The following JAM3 variants were observed in gnomAD, a reference collection of about 807,000 sequenced individuals.
JAM3 encodes junctional adhesion molecule C.
A neutral mutation model predicts 39.4 loss-of-function variants in JAM3; 31 were observed. That is an observed-to-expected ratio of 0.79 (90% CI 0.59 to 1.06). JAM3 has a LOEUF of 1.06. JAM3 is among the 50% of genes least tolerant of loss of function. The pLI is 0.00. For missense variants in JAM3, 455 were observed against 391.4 expected (o/e 1.16, Z -1.37); for synonymous variants, 182 against 148.7 (o/e 1.22, Z -1.63).
At chr11:134,087,298 A>G (rs1941761646) in intron 1 of JAM3, among the ~76,000 whole-genome samples, 1 of 152,166 alleles carries the variant, frequency 6.6e-6, no homozygotes, top group Non-Finnish European at 1.5e-5. Context: ...GTAAATCAAC[A>G]AATAAAGTAT....
intron 5 of JAM3, 125 bp from the exon 6 acceptor site, chr11:134,145,821 C>A: frequency 1.3e-6 from 1 of 749,136 alleles, no homozygotes; most frequent in South Asian, 1.4e-5. Context: ...GAGGAACATG[C>A]ACAGTGCTGG....
At chr11:134,129,008 G>T (rs1177264081) in intron 1 of JAM3, among the ~76,000 whole-genome samples, 1 of 152,144 alleles carries the variant, frequency 6.6e-6, no homozygotes, top group South Asian at 2.1e-4. Flanking sequence ...TCAAGGTGCT[G>T]GCAGGGTTGG....
rs751750290 is a variant in JAM3, at chr11:134,149,149, G to A, written c.901G>A (p.Asp301Asn). The change falls in exon 9 of 9, where the codon GAC (aspartate) becomes AAC (asparagine). Residue 301 changes from aspartate to asparagine, a missense_variant. Asp to Asn is a conservative substitution (Grantham distance 23, BLOSUM62 1). Transcript: ENST00000299106. ...VNYIRTDEEG[D>N]FRHKSSFVI ...TAACTGTGTGTTGGCTTTGCAGGGC[G>A]ACTTCAGACACAAGTCATCGTTTGT... is the stretch of plus-strand genomic sequence containing the variant. The A allele has an allele frequency of 6.2e-6, 10 of 1,613,876 alleles. No homozygotes were observed. The highest frequency in any genetic ancestry group is 1.6e-4 in the Middle Eastern group (1 of 6,078).
At chr11:134,090,367 T>G (rs1429391901) in intron 1 of JAM3, among the ~76,000 whole-genome samples, 1 of 152,230 alleles carries the variant, frequency 6.6e-6, no homozygotes, top group Admixed American at 6.5e-5. Context: ...GTTTTAGACA[T>G]GAAGTCCTTG....
chr11:134,085,881 A>G (rs968474260), intron 1 of JAM3, among the ~76,000 whole-genome samples: 14 of 152,236 alleles, frequency 9.2e-5, no homozygotes, highest in African/African-American at 2.9e-4. Flanking sequence ...TTCACTAGCT[A>G]TTTTGGAAGG....
intron 6 of JAM3, among the ~76,000 whole-genome samples, chr11:134,146,421 C>T (rs1023638938): frequency 2.0e-5 from 3 of 151,720 alleles, no homozygotes; most frequent in Admixed American, 6.6e-5. Flanking sequence ...CAGTTTTAGC[C>T]CGAGTAATTT....
intron 1 of JAM3, among the ~76,000 whole-genome samples, chr11:134,136,245 T>C (rs199711626): frequency 6.6e-6 from 1 of 152,018 alleles, no homozygotes; most frequent in East Asian, 1.9e-4. Context: ...AACTTCAGTA[T>C]GAGTATTCCT....
At chr11:134,121,583 A>G (rs760384250) in intron 1 of JAM3, among the ~76,000 whole-genome samples, 1 of 152,200 alleles carries the variant, frequency 6.6e-6, no homozygotes, top group Non-Finnish European at 1.5e-5. Flanking sequence ...ACATCTCTCT[A>G]TGTCAAACTG....
chr11:134,072,175 A>G (rs571274532), intron 1 of JAM3, among the ~76,000 whole-genome samples: 1 of 152,350 alleles, frequency 6.6e-6, no homozygotes, highest in East Asian at 1.9e-4. Flanking sequence ...GCTGTTAGAG[A>G]TGTGGTATTA....
intron 1 of JAM3, among the ~76,000 whole-genome samples, chr11:134,076,529 A>G (rs1007789117): frequency 6.6e-6 from 1 of 152,158 alleles, no homozygotes; most frequent in African/African-American, 2.4e-5. Flanking sequence ...AAATATCTGA[A>G]GTTCTTAGAG....
In JAM3 at chr11:134,151,391, C is replaced by T. The variant is rs1394950851; in HGVS notation, c.*2210C>T. ...TTGGTAGAGAGGGATGGCTCCCCACCCTCAGCGTTGGGGATTCACGCTCCA... is the reference window on the plus strand; with the variant it reads ...TTGGTAGAGAGGGATGGCTCCCCACTCTCAGCGTTGGGGATTCACGCTCCA... On this transcript the variant is annotated 3_prime_UTR_variant, in exon 9 of 9. Coordinates refer to ENST00000299106, the MANE Select transcript of JAM3 (RefSeq NM_032801.5). 6.6e-6 allele frequency: 1 copy of T among 152,136 alleles called. No homozygotes were observed. The highest frequency in any genetic ancestry group is 1.5e-5 in the Non-Finnish European group (1 of 68,024). 9.4% of individuals were successfully genotyped at this position (152,136 alleles called of 1,614,324 possible). A position where few individuals can be genotyped will look rare whatever the true frequency, so the allele number is the denominator to read the frequency against.
At chr11:134,127,573 G>T (rs983096573) in intron 1 of JAM3, among the ~76,000 whole-genome samples, 1 of 152,188 alleles carries the variant, frequency 6.6e-6, no homozygotes. Context: ...GGTGGCACAT[G>T]TCTGTAGTCC....
chr11:134,088,875 C>T (rs1365018151), intron 1 of JAM3, among the ~76,000 whole-genome samples: 4 of 152,282 alleles, frequency 2.6e-5, no homozygotes, highest in South Asian at 2.1e-4. Context: ...CTGCAACCTC[C>T]GCCTCCCAGG....
At chr11:134,086,531 A>C (rs1338880560) in intron 1 of JAM3, among the ~76,000 whole-genome samples, 1 of 152,160 alleles carries the variant, frequency 6.6e-6, no homozygotes, top group Non-Finnish European at 1.5e-5. Flanking sequence ...TAGACCTCCT[A>C]TGCCTAGGGG....
intron 1 of JAM3, among the ~76,000 whole-genome samples, chr11:134,074,144 T>C (rs1483514956): frequency 6.6e-6 from 1 of 152,182 alleles, no homozygotes; most frequent in Non-Finnish European, 1.5e-5. Flanking sequence ...ACACAAAACA[T>C]CTATGCTTAG....
At chr11:134,099,375 C>T (rs1591781002) in intron 1 of JAM3, among the ~76,000 whole-genome samples, 1 of 152,018 alleles carries the variant, frequency 6.6e-6, no homozygotes, top group East Asian at 1.9e-4. Context: ...TTTCTATTTG[C>T]TTCATTTTCT....
At chr11:134,079,443 G>A (rs1490481227) in intron 1 of JAM3, among the ~76,000 whole-genome samples, 2 of 152,114 alleles carry the variant, frequency 1.3e-5, no homozygotes, top group African/African-American at 4.8e-5. Flanking sequence ...TTTACTGAAA[G>A]GTGCCGTCTG....
rs542799592 is a variant in JAM3, at chr11:134,145,184, A to G, written c.612+190A>G. On this transcript the variant is annotated intron_variant, in intron 5 of 8. Transcript: ENST00000299106. The stretch of plus-strand genomic sequence containing the variant: ...ATAAACAAGTACATTCTTAGGGGGT[A>G]AAATAAGGAAGAGAAAGAAACCATA... 10 of 629,168 alleles carry G rather than the reference A, an allele frequency of 1.6e-5. No individual in the cohort carries two copies. In the South Asian group the frequency reaches 1.9e-4, roughly 12 times the overall value. 39.0% of individuals were successfully genotyped at this position (629,168 alleles called of 1,614,324 possible).
At chr11:134,121,958 C>G (rs1028551948) in intron 1 of JAM3, among the ~76,000 whole-genome samples, 7 of 152,150 alleles carry the variant, frequency 4.6e-5, no homozygotes, top group Admixed American at 3.9e-4. Flanking sequence ...AGCACGTGTG[C>G]TGTTTTGATC....
Sources: allele counts gnomAD v4.1 joint callset (sites outside exome capture counted in the v4.1 genomes callset), GRCh38; gene constraint gnomAD v4.1.1; transcripts MANE v1.5; gene names NCBI Gene and HGNC (gene_info 2026-07-23, HGNC 2026-07-21).